SEMA3A: variants seen among roughly 807,000 people sequenced by gnomAD.
SEMA3A encodes the protein semaphorin-3A.
In SEMA3A, 29 loss-of-function variants were observed where a neutral mutation model predicts 97.9. The observed-to-expected ratio is 0.30, with a 90% CI of 0.22 to 0.40. SEMA3A has a LOEUF of 0.40. Among genes scored for constraint, SEMA3A ranks in the 10% least tolerant of loss-of-function variants. The pLI is 1.00. For missense variants in SEMA3A, 763 were observed against 951.3 expected, an observed-to-expected ratio of 0.80 and a Z score of 2.60; for synonymous variants, 321 against 323.7, an observed-to-expected ratio of 0.99 and a Z score of 0.09.
intron 6 of SEMA3A, among the ~76,000 whole-genome samples, chr7:84,040,042 T>A (rs781464863): frequency 6.6e-6 from 1 of 152,050 alleles, no homozygotes; most frequent in African/African-American, 2.4e-5. Context: ...GCAGGTTATT[T>A]TGGAACTTTA....
chr7:84,458,232 G>C (rs1028459036), intron 1 of SEMA3A, among the ~76,000 whole-genome samples: 1 of 151,928 alleles, frequency 6.6e-6, no homozygotes, highest in Admixed American at 6.6e-5. Flanking sequence ...TTATATCAAG[G>C]GAGTGAGTTT....
At chr7:84,050,539 C>A (rs938710803) in intron 5 of SEMA3A, among the ~76,000 whole-genome samples, 12 of 152,028 alleles carry the variant, frequency 7.9e-5, no homozygotes, top group Admixed American at 2.0e-4. Flanking sequence ...GTCCTTCACC[C>A]ACTTTTTGAT....
intron 2 of SEMA3A, among the ~76,000 whole-genome samples, chr7:84,364,620 T>C (rs531386261): frequency 1.3e-5 from 2 of 151,912 alleles, no homozygotes; most frequent in East Asian, 3.9e-4. Context: ...GCATTTATTG[T>C]ACTTCCAAAT....
chr7:84,338,371 C>T lies in SEMA3A; in HGVS notation c.-168-31079G>A, dbSNP rs1021895203. Among the ~76,000 whole-genome samples, 8 of 151,072 alleles carry T rather than the reference C, an allele frequency of 5.3e-5. No individual in the cohort carries two copies. The South Asian group carries it at 6.3e-4, about 12-fold the overall frequency. On this transcript the variant is annotated intron_variant, in intron 2 of 3. Transcript: ENST00000424555. ...AGTGTAGGTTGAGGAGGAAGTTAAA[C>T]CATAAATTAATTAATTGTTTAGAAT...
At chr7:84,186,029 T>C (rs1319722846) in intron 1 of SEMA3A, among the ~76,000 whole-genome samples, 1 of 152,206 alleles carries the variant, frequency 6.6e-6, no homozygotes, top group Non-Finnish European at 1.5e-5. Context: ...ATGAAGTTCC[T>C]AGCCTGCTAT....
Position 84,029,426 on chromosome 7 carries a change from T to C in SEMA3A, c.668-15075A>G, listed in dbSNP as rs535729515. Among the ~76,000 whole-genome samples, 69 of 152,318 alleles carry C rather than the reference T, an allele frequency of 4.5e-4. 1 individual carries two copies. The South Asian group carries it at 0.014, about 31-fold the overall frequency. On this transcript the variant is annotated intron_variant, in intron 6 of 16. Coordinates refer to ENST00000265362, the MANE Select transcript of SEMA3A (RefSeq NM_006080.3). The stretch of plus-strand genomic sequence containing the variant: ...TGATTTAGAGATTTGTATTTTATAA[T>C]GTTAAATATGGATTCGAAGGATTTC...
At chr7:84,254,334 A>AAAAACAAAAC (rs572995120) in intron 3 of SEMA3A, among the ~76,000 whole-genome samples, 1 of 152,198 alleles carries the variant, frequency 6.6e-6, no homozygotes, top group Non-Finnish European at 1.5e-5. Context: ...TTTGCATGGG[A>AAAAACAAAAC]AAAACAAAAC....
chr7:84,104,476 C>T (rs1269114352), intron 4 of SEMA3A, among the ~76,000 whole-genome samples: 1 of 152,022 alleles, frequency 6.6e-6, no homozygotes. Flanking sequence ...ATTGAACATA[C>T]AAGAGGTACA....
chr7:84,061,897 T>G (rs991203580), intron 4 of SEMA3A, among the ~76,000 whole-genome samples: 1 of 152,216 alleles, frequency 6.6e-6, no homozygotes, highest in Non-Finnish European at 1.5e-5. Context: ...AAATCTATAC[T>G]GTGAAATAAT....
At chr7:84,021,497 ACT>A (rs1266993437) in intron 6 of SEMA3A, among the ~76,000 whole-genome samples, 3 of 151,774 alleles carry the variant, frequency 2.0e-5, no homozygotes, top group Non-Finnish European at 4.4e-5. Context: ...AGTCACATTC[ACT>A]CTGTTTTTTC....
intron 3 of SEMA3A, among the ~76,000 whole-genome samples, chr7:84,246,580 TC>T (rs1320361573): frequency 6.6e-6 from 1 of 152,070 alleles, no homozygotes; most frequent in Admixed American, 6.6e-5. Flanking sequence ...ATATTATATA[TC>T]CAAAATGAAA....
chr7:84,353,120 A>G (rs1485977120), intron 2 of SEMA3A, among the ~76,000 whole-genome samples: 1 of 151,786 alleles, frequency 6.6e-6, no homozygotes, highest in Non-Finnish European at 1.5e-5. Flanking sequence ...ATAATACCCA[A>G]TATAATGTAA....
intron 3 of SEMA3A, among the ~76,000 whole-genome samples, chr7:84,305,944 A>T (rs931467132): frequency 6.6e-6 from 1 of 151,606 alleles, no homozygotes; most frequent in African/African-American, 2.4e-5. Context: ...ACATGTATTA[A>T]TTTATATATA....
In SEMA3A at chr7:83,985,424, T is replaced by A. The variant is rs1584506529; in HGVS notation, c.1494+12A>T. The A allele has an allele frequency of 1.3e-6, 2 of 1,591,846 alleles. No individual in the cohort carries two copies. The highest frequency in any genetic ancestry group is 2.2e-5 in the East Asian group (1 of 44,572). On this transcript the variant is annotated intron_variant, in intron 13 of 16. Coordinates refer to ENST00000265362, the MANE Select transcript of SEMA3A (RefSeq NM_006080.3). ...ATATTGGATATTCAATGGTAATACA[T>A]AATGATAGTACCTGCTTAGTGGAAA...
At chr7:84,327,463 C>T (rs1173110671) in intron 2 of SEMA3A, among the ~76,000 whole-genome samples, 1 of 151,648 alleles carries the variant, frequency 6.6e-6, no homozygotes, top group Non-Finnish European at 1.5e-5. Flanking sequence ...AAATAATGAA[C>T]CATTGATATA....
chr7:84,463,740 T>C (rs931525893), intron 1 of SEMA3A, among the ~76,000 whole-genome samples: 2 of 152,140 alleles, frequency 1.3e-5, no homozygotes, highest in African/African-American at 4.8e-5. Flanking sequence ...TCAACTAAAA[T>C]TGAACCTATA....
At chr7:84,282,942 A>G (rs1056382779) in intron 3 of SEMA3A, among the ~76,000 whole-genome samples, 5 of 152,132 alleles carry the variant, frequency 3.3e-5, no homozygotes, top group Admixed American at 3.3e-4. Context: ...TGAACCTGGA[A>G]GGTGGAGGTT....
chr7:84,097,609 T>G (rs1353599705), intron 4 of SEMA3A, among the ~76,000 whole-genome samples: 4 of 152,076 alleles, frequency 2.6e-5, no homozygotes, highest in Non-Finnish European at 1.5e-5. Flanking sequence ...AATGGCAGAC[T>G]GGAAAATAAA....
chr7:84,191,164 C>T (rs1178811260), intron 1 of SEMA3A, among the ~76,000 whole-genome samples: 1 of 146,156 alleles, frequency 6.8e-6, no homozygotes, highest in African/African-American at 2.5e-5. Context: ...TCTTGTCACA[C>T]ATATACATAT....
Sources: allele counts gnomAD v4.1 joint callset (sites outside exome capture counted in the v4.1 genomes callset), GRCh38; gene constraint gnomAD v4.1.1; transcripts MANE v1.5; gene names NCBI Gene and HGNC (gene_info 2026-07-23, HGNC 2026-07-21).